Variants in PCDHA1 observed in about 807,000 individuals in gnomAD.
PCDHA1 encodes the protein protocadherin alpha-1.
A neutral mutation model predicts 61.3 loss-of-function variants in PCDHA1; 42 were observed. The ratio of observed to expected loss-of-function variants is 0.69; its 90% CI spans 0.54 to 0.89. The LOEUF is 0.89. Among genes scored for constraint, PCDHA1 ranks in the 40% least tolerant of loss-of-function variants. The probability of loss-of-function intolerance (pLI) is 0.00; values close to 1 mark genes in which losing one functional copy is unlikely to be tolerated. For missense variants in PCDHA1, 1,256 were observed against 1,235.3 expected (o/e 1.02, Z -0.25); for synonymous variants, 610 against 553.8 (o/e 1.10, Z -1.43).
intron 1 of PCDHA1, chr5:140,794,836 CCAGAGCCCCTTTGTTACTT>C: frequency 2.9e-6 from 3 of 1,040,546 alleles, no homozygotes; most frequent in Non-Finnish European, 2.8e-6. Flanking sequence ...AGGAAAATAC[CCAGAGCCCCTTTGTTACTT>C]CAGAGAAGCG....
chr5:140,851,967 A>G, intron 1 of PCDHA1: 1 of 977,046 alleles, frequency 1.0e-6, no homozygotes, highest in Non-Finnish European at 1.2e-6. Flanking sequence ...GGTTTTCCAC[A>G]CTCTACCTTT....
At chr5:140,979,211 A>G (rs1241898337) in intron 2 of PCDHA1, among the ~76,000 whole-genome samples, 18 of 152,222 alleles carry the variant, frequency 1.2e-4, no homozygotes, top group Admixed American at 7.9e-4. Context: ...GTGCTGGCAT[A>G]TAAGAGTCCT....
chr5:140,863,250 C>T, intron 1 of PCDHA1: 1 of 1,410,418 alleles, frequency 7.1e-7, no homozygotes, highest in Non-Finnish European at 9.7e-7. Context: ...TGGCGGGCGT[C>T]GAGGTCCGGG....
intron 1 of PCDHA1, chr5:140,842,743 C>G: frequency 6.3e-7 from 1 of 1,595,140 alleles, no homozygotes; most frequent in Non-Finnish European, 8.6e-7. Flanking sequence ...GCTGCCACAT[C>G]TTCACGGTGT....
Position 140,786,583 on chromosome 5 carries a change from G to C in PCDHA1, c.293G>C (p.Trp98Ser). The C allele has an allele frequency of 6.2e-7, 1 of 1,614,272 alleles. No homozygotes were observed. Among genetic ancestry groups the C allele is most frequent in the Non-Finnish European group, 8.5e-7 (1 of 1,180,054 alleles). Residue 98 changes from tryptophan (W) to serine (S), a missense_variant, in exon 1 of 4, where the codon TGG (tryptophan) becomes TCG (serine). Trp to Ser is a radical substitution (Grantham distance 177). Transcript: ENST00000504120. ...ATCGATCGCGAGGAGCTGTGCCAGT[G>C]GAGCGCGGAGTGCAGCATCCACCTG... The part of the protein sequence containing the change: ...SRIDREELCQ[W>S]SAECSIHLEL...
intron 1 of PCDHA1, 195 bp downstream of exon 1, chr5:140,788,879 G>T: frequency 7.6e-7 from 1 of 1,315,014 alleles, no homozygotes; most frequent in Non-Finnish European, 9.8e-7. Context: ...AAAATGTAGG[G>T]ACAAATTGTC....
chr5:140,825,137 A>T (rs1027495465), intron 1 of PCDHA1: 3 of 151,772 alleles, frequency 2.0e-5, no homozygotes, highest in African/African-American at 4.8e-5. Context: ...TAAAAAACAT[A>T]TGAGTATTGA....
At chr5:140,834,972 C>T (rs1275898995) in intron 1 of PCDHA1, 3 of 1,500,634 alleles carry the variant, frequency 2.0e-6, no homozygotes, top group East Asian at 4.8e-5. Context: ...ACTTGTATTA[C>T]GGAAACTTTT....
At chr5:140,876,478 G>T in intron 1 of PCDHA1, 1 of 1,614,032 alleles carries the variant, frequency 6.2e-7, no homozygotes, top group Non-Finnish European at 8.5e-7. Flanking sequence ...TCACAGCATG[G>T]TCCTGGTGGA....
chr5:140,910,022 C>G (rs2074840302), intron 1 of PCDHA1, among the ~76,000 whole-genome samples: 1 of 152,174 alleles, frequency 6.6e-6, no homozygotes, highest in South Asian at 2.1e-4. Context: ...CCTTGTATCC[C>G]TGGGATAAAT....
At chr5:140,802,731 G>T (rs782560612) in intron 1 of PCDHA1, 1 of 1,612,422 alleles carries the variant, frequency 6.2e-7, no homozygotes, top group Non-Finnish European at 8.5e-7. Context: ...GTCGGTACAC[G>T]CGGAGAGCGG....
intron 1 of PCDHA1, among the ~76,000 whole-genome samples, chr5:140,911,947 G>A (rs559007219): frequency 1.4e-4 from 22 of 152,262 alleles, no homozygotes; most frequent in Non-Finnish European, 2.5e-4. Context: ...TATATATAAA[G>A]GGGAGGTTAC....
chr5:140,841,707 AC>A (rs2150321294), intron 1 of PCDHA1: 1 of 1,613,698 alleles, frequency 6.2e-7, no homozygotes. Flanking sequence ...GTTAATGACA[AC>A]CCGCCAGTGT....
intron 2 of PCDHA1, among the ~76,000 whole-genome samples, chr5:140,981,680 C>T (rs1238332235): frequency 6.6e-6 from 1 of 151,746 alleles, no homozygotes; most frequent in Non-Finnish European, 1.5e-5. Flanking sequence ...CTTCCTTCCT[C>T]CCTTCCATCA....
intron 1 of PCDHA1, among the ~76,000 whole-genome samples, chr5:140,790,252 G>GTAGA (rs1761575740): frequency 6.6e-6 from 1 of 152,208 alleles, no homozygotes; most frequent in East Asian, 1.9e-4. Context: ...TATCCTTGAT[G>GTAGA]TAGACATCAT....
At chr5:140,850,745 C>G in intron 1 of PCDHA1, 1 of 1,597,954 alleles carries the variant, frequency 6.3e-7, no homozygotes, top group Non-Finnish European at 8.6e-7. Context: ...GTTGGTCGTA[C>G]TCGCAGCAGA....
chr5:140,796,830 C>T lies in PCDHA1; in HGVS notation c.2394+8146C>T, dbSNP rs370830493. The T allele has an allele frequency of 6.9e-5, 112 of 1,614,134 alleles. 1 individual carries two copies. The Middle Eastern group carries it at 2.0e-3, about 29-fold the overall frequency. On this transcript the variant is annotated intron_variant, in intron 1 of 3. Coordinates refer to ENST00000504120, the MANE Select transcript of PCDHA1 (RefSeq NM_018900.4). ...GTACTGGCAGCGCTCGCATCCCGTT[C>T]CGCGTGGGGCTATACACGGGTGAGA...
At chr5:140,922,016 AT>A (rs1213488839) in intron 1 of PCDHA1, among the ~76,000 whole-genome samples, 20 of 152,076 alleles carry the variant, frequency 1.3e-4, no homozygotes, top group Admixed American at 1.2e-3. Flanking sequence ...GTTTAAAAAA[AT>A]AAATATAAAA....
intron 1 of PCDHA1, chr5:140,805,613 G>T (rs1554123423): frequency 1.1e-6 from 1 of 911,990 alleles, no homozygotes; most frequent in Non-Finnish European, 1.3e-6. Context: ...ATTTCTTTAT[G>T]TAAGAAAATG....
Sources: gnomAD v4.1 joint callset for allele counts (sites outside exome capture counted in the v4.1 genomes callset) on GRCh38, gnomAD v4.1.1 for gene constraint, MANE v1.5 for transcripts, NCBI Gene and HGNC (gene_info 2026-07-23, HGNC 2026-07-21) for gene names.